SV2C: variants seen among roughly 807,000 people sequenced by gnomAD.
SV2C encodes the protein solute carrier family 22 member B3.
A neutral mutation model predicts 79.7 loss-of-function variants in SV2C; 49 were observed. The observed-to-expected ratio is 0.61, with a 90% CI of 0.49 to 0.78. SV2C has a LOEUF of 0.78. SV2C is among the 30% of genes least tolerant of loss of function. The pLI is 0.00. For missense variants in SV2C, 833 were observed against 912.9 expected (o/e 0.91, Z 1.13); for synonymous variants, 334 against 333.2 (o/e 1.00, Z -0.03).
chr5:75,953,397 C>T, the SV2C span, among the ~76,000 whole-genome samples: 1 of 151,938 alleles, frequency 6.6e-6, no homozygotes, highest in Admixed American at 6.6e-5. Context: ...GTACCTCAAA[C>T]TTCATATATC....
At chr5:76,239,528 A>T (rs1745717778) in intron 4 of SV2C, among the ~76,000 whole-genome samples, 1 of 152,128 alleles carries the variant, frequency 6.6e-6, no homozygotes, top group Admixed American at 6.5e-5. Flanking sequence ...GGCAGTATTA[A>T]AGGCTGGGGG....
the SV2C span, among the ~76,000 whole-genome samples, chr5:75,909,862 T>A: frequency 1.3e-5 from 2 of 152,160 alleles, no homozygotes; most frequent in African/African-American, 4.8e-5. Context: ...ATCACAAAAA[T>A]TATACAATCA....
At chr5:75,898,554 C>A in the SV2C span, among the ~76,000 whole-genome samples, 1 of 152,174 alleles carries the variant, frequency 6.6e-6, no homozygotes, top group Non-Finnish European at 1.5e-5. Context: ...CTCTGCCCGC[C>A]TTTGGTATCA....
chr5:76,042,127 C>G, the SV2C span, among the ~76,000 whole-genome samples: 1 of 152,328 alleles, frequency 6.6e-6, no homozygotes, highest in African/African-American at 2.4e-5. Context: ...TTGTAGCAGT[C>G]TTCACTACAA....
chr5:76,352,999 T>A (rs1420603481), intron 12 of SV2C: 2 of 330,572 alleles, frequency 6.1e-6, no homozygotes, highest in African/African-American at 2.2e-5. Flanking sequence ...TAGAGTGCAA[T>A]AGTGACATGA....
chr5:76,253,845 G>A (rs927026100), intron 4 of SV2C, among the ~76,000 whole-genome samples: 1 of 152,044 alleles, frequency 6.6e-6, no homozygotes, highest in East Asian at 1.9e-4. Flanking sequence ...ACTTAGAAAC[G>A]ATTATCTCCA....
At chr5:76,006,238 A>G in the SV2C span, among the ~76,000 whole-genome samples, 3 of 152,178 alleles carry the variant, frequency 2.0e-5, no homozygotes, top group Non-Finnish European at 2.9e-5. Context: ...TGCCAGCTTC[A>G]TGGACATGTG....
chr5:76,056,524 G>A, the SV2C span, among the ~76,000 whole-genome samples: 1 of 151,692 alleles, frequency 6.6e-6, no homozygotes, highest in Non-Finnish European at 1.5e-5. Context: ...TTAGGTAGGA[G>A]TCCCTCCTCT....
chr5:75,951,355 C>T, the SV2C span, among the ~76,000 whole-genome samples: 2 of 151,990 alleles, frequency 1.3e-5, no homozygotes, highest in Non-Finnish European at 2.9e-5. Context: ...GATTAAAATG[C>T]TCTCAGTAGA....
chr5:76,341,450 G>A (rs1408521330), intron 12 of SV2C, among the ~76,000 whole-genome samples: 4 of 152,142 alleles, frequency 2.6e-5, no homozygotes, highest in Non-Finnish European at 5.9e-5. Flanking sequence ...ACTTGGGAAG[G>A]GACTTATGCA....
intron 12 of SV2C, among the ~76,000 whole-genome samples, chr5:76,322,317 T>C (rs1270553491): frequency 6.6e-6 from 1 of 152,060 alleles, no homozygotes. Flanking sequence ...TACCTGGAAA[T>C]ACAATTTACA....
At chr5:76,322,177 A>C (rs561456819) in intron 12 of SV2C, among the ~76,000 whole-genome samples, 2 of 152,354 alleles carry the variant, frequency 1.3e-5, no homozygotes, top group East Asian at 3.9e-4. Context: ...CTGATAAGCA[A>C]CTTCAGCAAA....
intron 4 of SV2C, among the ~76,000 whole-genome samples, chr5:76,247,505 T>A (rs1482800413): frequency 6.6e-6 from 1 of 152,228 alleles, no homozygotes; most frequent in East Asian, 1.9e-4. Context: ...TACAGCTTAT[T>A]TTCTCCTGCA....
At chr5:76,285,675 G>A in intron 5 of SV2C, 106 bp from the exon 6 acceptor site, 1 of 879,966 alleles carries the variant, frequency 1.1e-6, no homozygotes, top group East Asian at 2.4e-5. Context: ...AGATACATTT[G>A]CACAATTACA....
intron 4 of SV2C, among the ~76,000 whole-genome samples, chr5:76,219,337 C>G (rs979632091): frequency 6.6e-6 from 1 of 152,040 alleles, no homozygotes; most frequent in Non-Finnish European, 1.5e-5. Context: ...ACGAAAGAAC[C>G]CTTGGCTTCC....
At position 76,291,349 on chromosome 5, in the gene SV2C, T is replaced by C. The variant is rs368779966; in HGVS notation, c.1248+18T>C. 2.6e-4 allele frequency: 412 copies of C among 1,558,556 alleles called. No homozygotes were observed. Among genetic ancestry groups the C allele is most frequent in the Non-Finnish European group, 3.3e-4 (378 of 1,146,238 alleles). ...TGTACGGAGTAAGTAACAAGTCCCA[T>C]GATGACCTGCATGTTAATTTATTGC... On this transcript the variant is annotated intron_variant, in intron 7 of 12. Coordinates refer to ENST00000502798, the MANE Select transcript of SV2C (RefSeq NM_014979.4).
At chr5:76,224,911 C>T (rs549787867) in intron 4 of SV2C, among the ~76,000 whole-genome samples, 129 of 152,274 alleles carry the variant, frequency 8.5e-4, no homozygotes, top group Non-Finnish European at 1.4e-3. Flanking sequence ...TCCCTATTCT[C>T]TTATGGGCTG....
At chr5:75,921,464 A>C in the SV2C span, 1 of 796,064 alleles carries the variant, frequency 1.3e-6, no homozygotes, top group Admixed American at 1.7e-5. Context: ...CCTTGCCCAT[A>C]AGGCAGTCGG....
intron 12 of SV2C, among the ~76,000 whole-genome samples, chr5:76,309,507 G>A (rs955972391): frequency 6.7e-6 from 1 of 149,982 alleles, no homozygotes; most frequent in Non-Finnish European, 1.5e-5. Context: ...GGCTGAGGCA[G>A]GAGAATGGCG....
Sources: gnomAD v4.1 joint callset for allele counts (sites outside exome capture counted in the v4.1 genomes callset) on GRCh38, gnomAD v4.1.1 for gene constraint, MANE v1.5 for transcripts, NCBI Gene and HGNC (gene_info 2026-07-23, HGNC 2026-07-21) for gene names.